The following SATB2 variants were observed in gnomAD, a reference collection of about 807,000 sequenced individuals.
SATB2 encodes the protein DNA-binding protein SATB2.
SATB2 carries 1 observed loss-of-function variant against 73.4 expected under a neutral mutation model. That is an observed-to-expected ratio of 0.01 (90% confidence interval 0.00 to 0.06). The LOEUF (loss-of-function observed/expected upper bound fraction) is 0.06. Among genes scored for constraint, SATB2 ranks in the 10% least tolerant of loss-of-function variants. SATB2 has a pLI of 1.00. For synonymous variants in SATB2, 397 were observed against 367.0 expected, an observed-to-expected ratio of 1.08 and a Z score of -0.93; for missense variants, 459 against 945.8, an observed-to-expected ratio of 0.49 and a Z score of 6.75.
chr2:199,326,826 G>C (rs1395026023), intron 8 of SATB2, among the ~76,000 whole-genome samples: 1 of 152,078 alleles, frequency 6.6e-6, no homozygotes, highest in Non-Finnish European at 1.5e-5. Context: ...GCAGTCAAGA[G>C]ACTTATTTTT....
chr2:199,275,431 C>T (rs1478961001), intron 10 of SATB2, among the ~76,000 whole-genome samples: 1 of 152,166 alleles, frequency 6.6e-6, no homozygotes, highest in Non-Finnish European at 1.5e-5. Flanking sequence ...GTTCTAAGAA[C>T]TTCACATGGA....
At position 199,380,421 on chromosome 2, in the gene SATB2, C is replaced by T. The variant is rs1459002785; in HGVS notation, c.540G>A (p.Lys180=). The T allele has an allele frequency of 6.2e-7, 1 of 1,613,958 alleles. No homozygotes were observed. Among genetic ancestry groups the T allele is most frequent in the Admixed American group, 1.7e-5 (1 of 60,016 alleles). ...TCTGGTTCATCTCTTTGAGCAGTTC[C>T]TTTAAGGCATTGCGGACTGTGGCAT... ...WNHATVRNAL[K]ELLKEMNQST... Residue 180 remains lysine, a synonymous_variant, in exon 5 of 11, where the codon AAG becomes AAA. Transcript: ENST00000417098.
intron 6 of SATB2, among the ~76,000 whole-genome samples, chr2:199,367,757 C>A (rs1260232911): frequency 1.3e-5 from 2 of 152,072 alleles, no homozygotes; most frequent in Admixed American, 1.3e-4. Context: ...CCCCAAATCC[C>A]CTCAGGGACC....
upstream of SATB2, among the ~76,000 whole-genome samples, chr2:199,467,048 G>T: frequency 6.6e-6 from 1 of 152,242 alleles, no homozygotes; most frequent in East Asian, 1.9e-4. Context: ...CCCAGGCTGA[G>T]GACAGAGCTA....
At chr2:199,377,196 G>A (rs1267891869) in intron 5 of SATB2, among the ~76,000 whole-genome samples, 1 of 152,052 alleles carries the variant, frequency 6.6e-6, no homozygotes, top group Non-Finnish European at 1.5e-5. Context: ...CTAACATGGT[G>A]AAATCACGTC....
intron 10 of SATB2, among the ~76,000 whole-genome samples, chr2:199,290,097 G>C (rs1056149049): frequency 6.6e-6 from 1 of 152,148 alleles, no homozygotes; most frequent in African/African-American, 2.4e-5. Context: ...TGCCTTGCAG[G>C]CTGTGCTCCA....
In SATB2 at chr2:199,457,800, C is replaced by G. The variant is rs1574647843; in HGVS notation, c.-521G>C. On this transcript the variant is annotated 5_prime_UTR_variant, in exon 1 of 11. Transcript: ENST00000417098. The surrounding 1 kb of genome is among the most constrained non-coding windows in gnomAD (Gnocchi z 4.8). ...AGCTCGCGAGGAGGCGCGGCCAGAGCGGTGGGACCGGTAACACCAAGAGCC... is the reference window on the plus strand; with the variant it reads ...AGCTCGCGAGGAGGCGCGGCCAGAGGGGTGGGACCGGTAACACCAAGAGCC... The G allele has an allele frequency of 1.3e-5, 2 of 155,018 alleles. No homozygotes were observed. Among genetic ancestry groups the G allele is most frequent in the East Asian group, 1.9e-4 (1 of 5,200 alleles). 9.6% of individuals were successfully genotyped at this position (155,018 alleles called of 1,614,324 possible).
At chr2:199,345,285 CT>C (rs951388466) in intron 7 of SATB2, among the ~76,000 whole-genome samples, 52 of 151,388 alleles carry the variant, frequency 3.4e-4, no homozygotes, top group African/African-American at 1.1e-3. Context: ...TTTTTCTTTT[CT>C]TTTTTTTTAT....
chr2:199,347,721 A>T (rs370833600), intron 7 of SATB2: 2 of 151,918 alleles, frequency 1.3e-5, no homozygotes, highest in Non-Finnish European at 2.9e-5. Flanking sequence ...TATTGCTTAC[A>T]CTCTCCAACA....
At chr2:199,396,292 T>C (rs865988615) in intron 3 of SATB2, 3 of 152,232 alleles carry the variant, frequency 2.0e-5, no homozygotes, top group African/African-American at 7.2e-5. Flanking sequence ...GATAGTTCCA[T>C]ATTTATTGTC....
Position 199,308,683 on chromosome 2 carries a change from GCCACTTGGAC to G in SATB2, c.1740+67_1740+76del, listed in dbSNP as rs1010764192. On this transcript the variant is annotated intron_variant, in intron 10 of 10. Coordinates refer to ENST00000417098, the MANE Select transcript of SATB2 (RefSeq NM_001172509.2). The surrounding 1 kb of genome is among the most constrained non-coding windows in gnomAD (Gnocchi z 4.6). ...TCTGACAGAAGTTGGTGTGGTGTGT[GCCACTTGGAC>G]CCTCAGCAGCTACTGCTGGCACACA... The G allele has an allele frequency of 2.2e-5, 28 of 1,272,348 alleles. No individual in the cohort carries two copies. In the Admixed American group the frequency reaches 4.8e-4, roughly 22 times the overall value. 78.8% of individuals were successfully genotyped at this position (1,272,348 alleles called of 1,614,324 possible).
chr2:199,319,679 G>A (rs901912647), intron 9 of SATB2, among the ~76,000 whole-genome samples: 18 of 151,410 alleles, frequency 1.2e-4, no homozygotes, highest in Non-Finnish European at 2.2e-4. Context: ...CCCAAACCTA[G>A]TAGGAAAAAA....
chr2:199,276,401 T>C (rs1329968554), intron 10 of SATB2, among the ~76,000 whole-genome samples: 2 of 152,220 alleles, frequency 1.3e-5, no homozygotes, highest in African/African-American at 4.8e-5. Context: ...TCAGAACATC[T>C]TCTAAATTCC....
rs550269374 is a variant in SATB2, at chr2:199,394,104, C to T, written c.347-12284G>A. On this transcript the variant is annotated intron_variant, in intron 3 of 10. Coordinates refer to ENST00000417098, the MANE Select transcript of SATB2 (RefSeq NM_001172509.2). ...TGTTAATGAAAGACAATAACACAATCATTAGGACACGATACTCTCAGATCA... is the reference window on the plus strand; with the variant it reads ...TGTTAATGAAAGACAATAACACAATTATTAGGACACGATACTCTCAGATCA... Among the ~76,000 whole-genome samples the T allele has an allele frequency of 7.2e-5, 11 of 152,234 alleles. No homozygotes were observed. The East Asian group carries it at 1.9e-3, about 27-fold the overall frequency.
chr2:199,358,389 C>A (rs1022435523), intron 6 of SATB2, among the ~76,000 whole-genome samples: 3 of 151,702 alleles, frequency 2.0e-5, no homozygotes, highest in Non-Finnish European at 2.9e-5. Context: ...ACCATTAAAA[C>A]GAACAAATAA....
intron 3 of SATB2, among the ~76,000 whole-genome samples, chr2:199,425,604 C>T (rs957788962): frequency 4.6e-5 from 7 of 152,028 alleles, no homozygotes; most frequent in African/African-American, 1.2e-4. Context: ...CTAGGTATCC[C>T]GAAAATCAAG....
chr2:199,398,448 T>C (rs889968108), intron 3 of SATB2, among the ~76,000 whole-genome samples: 1 of 152,232 alleles, frequency 6.6e-6, no homozygotes, highest in African/African-American at 2.4e-5. Context: ...TTTCCTCTTG[T>C]TAATCTGTCT....
At chr2:199,355,891 C>A (rs978987552) in intron 6 of SATB2, among the ~76,000 whole-genome samples, 2 of 152,086 alleles carry the variant, frequency 1.3e-5, no homozygotes, top group African/African-American at 4.8e-5. Flanking sequence ...ATTGCTCTTG[C>A]AAGTTTATCA....
chr2:199,319,481 C>T (rs1213038666), intron 9 of SATB2, among the ~76,000 whole-genome samples: 3 of 152,060 alleles, frequency 2.0e-5, no homozygotes, highest in African/African-American at 7.2e-5. Flanking sequence ...AAAACCAGGC[C>T]GTCTTTTTCC....
Sources: gnomAD v4.1 joint callset for allele counts (sites outside exome capture counted in the v4.1 genomes callset) on GRCh38, gnomAD v4.1.1 for gene constraint, Gnocchi (gnomAD v3.1) non-coding constraint, MANE v1.5 for transcripts, NCBI Gene and HGNC (gene_info 2026-07-23, HGNC 2026-07-21) for gene names.